BTBD9: variants seen among roughly 807,000 people sequenced by gnomAD.
The protein encoded by BTBD9 is BTB/POZ domain-containing protein 9.
In BTBD9, 49 loss-of-function variants were observed where a neutral mutation model predicts 64.3. That is an observed-to-expected ratio of 0.76 (90% CI 0.61 to 0.97). The LOEUF (loss-of-function observed/expected upper bound fraction) is 0.97. BTBD9 is among the 50% of genes least tolerant of loss of function. The pLI, the probability that BTBD9 is intolerant of heterozygous loss-of-function variation, is 0.00. For synonymous variants in BTBD9, 260 were observed against 274.7 expected, an observed-to-expected ratio of 0.95 and a Z score of 0.53; for missense variants, 598 against 762.1, an observed-to-expected ratio of 0.78 and a Z score of 2.53.
intron 1 of BTBD9, among the ~76,000 whole-genome samples, chr6:38,613,405 T>G (rs955023324): frequency 1.3e-5 from 2 of 152,172 alleles, no homozygotes; most frequent in Non-Finnish European, 2.9e-5. Context: ...GTGGATTACC[T>G]GAGGTCAGGA....
In BTBD9 at chr6:38,170,370, A is replaced by C. The variant is rs1766706175; in HGVS notation, c.*4615T>G. ...TCGGAGCGTCCTCAGTGGTGCAGCC[A>C]AGAGCCAGGAAGGGCACAGCCTCTT... On this transcript the variant is annotated 3_prime_UTR_variant, in exon 11 of 11. Transcript: ENST00000481247. 6.5e-6 allele frequency: 1 copy of C among 152,776 alleles called. No individual in the cohort carries two copies. Among genetic ancestry groups the C allele is most frequent in the East Asian group, 1.9e-4 (1 of 5,200 alleles). 9.5% of individuals were successfully genotyped at this position (152,776 alleles called of 1,614,324 possible).
chr6:38,271,840 C>G (rs1393827920), intron 8 of BTBD9, among the ~76,000 whole-genome samples: 1 of 152,122 alleles, frequency 6.6e-6, no homozygotes, highest in Non-Finnish European at 1.5e-5. Context: ...GCAGCAAATT[C>G]TACATGGAGC....
rs1234244481 is a variant in BTBD9 at position 38,181,083 on chromosome 6, C to T, written c.1642-5901G>A. On this transcript the variant is annotated intron_variant, in intron 10 of 10. Transcript: ENST00000481247. ...CTCAGTGGCTTGGTGGCTGCTGCCT[C>T]TCATTAGAGGGATTCCCTAAGCACT... is the stretch of plus-strand genomic sequence containing the variant. Among the ~76,000 whole-genome samples the T allele has an allele frequency of 3.3e-5, 5 of 152,336 alleles. No individual in the cohort carries two copies. In the East Asian group the frequency reaches 9.6e-4, roughly 29 times the overall value.
At chr6:38,597,530 A>G (rs942722513) in intron 2 of BTBD9, among the ~76,000 whole-genome samples, 1 of 152,204 alleles carries the variant, frequency 6.6e-6, no homozygotes, top group Non-Finnish European at 1.5e-5. Flanking sequence ...ACCAAGGGGT[A>G]TATGTGTCCA....
chr6:38,580,300 A>G lies in BTBD9; in HGVS notation c.952T>C (p.Cys318Arg). ...GFSRHPIDDD[C>R]RSGIEIKLGQ... ...AGCTTAATCTCGATGCCGGAACGGC[A>G]GTCATCATCAATTGGGTGCCTTGAA... The change falls in exon 5 of 11, where the codon TGC (cysteine) becomes CGC (arginine). Residue 318 changes from cysteine to arginine, a missense_variant. Coordinates refer to ENST00000481247, the MANE Select transcript of BTBD9 (RefSeq NM_001099272.2). The G allele has an allele frequency of 6.2e-7, 1 of 1,614,272 alleles. No homozygotes were observed.
chr6:38,182,313 T>A (rs1055818072), intron 10 of BTBD9, among the ~76,000 whole-genome samples: 1 of 152,250 alleles, frequency 6.6e-6, no homozygotes, highest in Non-Finnish European at 1.5e-5. Flanking sequence ...ATTCCTGCCC[T>A]GTTTTTTATG....
At chr6:38,398,629 C>G (rs1766795189) in intron 6 of BTBD9, among the ~76,000 whole-genome samples, 1 of 152,186 alleles carries the variant, frequency 6.6e-6, no homozygotes, top group Non-Finnish European at 1.5e-5. Flanking sequence ...CTCACCCTCC[C>G]TTCATAGGCA....
intron 7 of BTBD9, among the ~76,000 whole-genome samples, chr6:38,334,080 T>C (rs182137846): frequency 1.5e-4 from 23 of 152,328 alleles, no homozygotes; most frequent in Admixed American, 9.8e-4. Context: ...TTTGCTATGC[T>C]TTAACAAAGA....
chr6:38,180,011 G>C, intron 10 of BTBD9: 3 of 371,576 alleles, frequency 8.1e-6, no homozygotes, highest in South Asian at 6.0e-5. Context: ...CTGTGGAGCA[G>C]TGTGCCTGCC....
At chr6:38,392,843 TTTTA>T (rs1327839354) in intron 6 of BTBD9, among the ~76,000 whole-genome samples, 1 of 151,752 alleles carries the variant, frequency 6.6e-6, no homozygotes. Context: ...ATTTTTAAAA[TTTTA>T]TTTATTTTGC....
intron 1 of BTBD9, among the ~76,000 whole-genome samples, chr6:38,604,533 T>C (rs1777360259): frequency 6.6e-6 from 1 of 152,182 alleles, no homozygotes; most frequent in African/African-American, 2.4e-5. Flanking sequence ...TTAATAAAAG[T>C]CTCTACTTTT....
At chr6:38,556,608 C>T (rs1481818034) in intron 6 of BTBD9, among the ~76,000 whole-genome samples, 3 of 149,708 alleles carry the variant, frequency 2.0e-5, no homozygotes, top group African/African-American at 7.4e-5. Flanking sequence ...GTTATTACTT[C>T]AGAATCCAAA....
chr6:38,387,078 C>T (rs1015695167), intron 6 of BTBD9, among the ~76,000 whole-genome samples: 1 of 152,180 alleles, frequency 6.6e-6, no homozygotes, highest in African/African-American at 2.4e-5. Flanking sequence ...AGGATGCTTG[C>T]AGGTAGAACA....
At chr6:38,335,443 G>A (rs1430573569) in intron 7 of BTBD9, among the ~76,000 whole-genome samples, 1 of 151,848 alleles carries the variant, frequency 6.6e-6, no homozygotes, top group Non-Finnish European at 1.5e-5. Flanking sequence ...AGTAGAGACA[G>A]GGTTTTGCCA....
chr6:38,486,418 A>T (rs530054057), intron 6 of BTBD9, among the ~76,000 whole-genome samples: 1 of 152,282 alleles, frequency 6.6e-6, no homozygotes, highest in South Asian at 2.1e-4. Context: ...AAGCTTAATC[A>T]TTTCTAGCTT....
At position 38,334,844 on chromosome 6, in the gene BTBD9, G is replaced by A. The variant is rs546132039; in HGVS notation, c.1264+10140C>T. On this transcript the variant is annotated intron_variant, in intron 7 of 10. Transcript: ENST00000481247. ...CAAGAGCAGTAAAAATTTTTTTCCC[G>A]GCAATCTTTATTCTTAAAAAAAAAT... 3.5e-4 allele frequency among the ~76,000 whole-genome samples: 53 copies of A among 151,014 alleles called. No homozygotes were observed. The South Asian group carries it at 5.8e-3, about 17-fold the overall frequency.
At chr6:38,477,145 G>C (rs1435125117) in intron 6 of BTBD9, among the ~76,000 whole-genome samples, 1 of 152,208 alleles carries the variant, frequency 6.6e-6, no homozygotes, top group Non-Finnish European at 1.5e-5. Flanking sequence ...ATTCCACTGA[G>C]GGAGAAGTTG....
intron 6 of BTBD9, among the ~76,000 whole-genome samples, chr6:38,556,532 TGTGTGTGTGTGTGTGTGTGA>T (rs1313740654): frequency 2.0e-5 from 1 of 51,138 alleles, no homozygotes; most frequent in Non-Finnish European, 3.6e-5. Flanking sequence ...TGTGTGTGTG[TGTGTGTGTGTGTGTGTGTGA>T]GAGAGAGAGA....
At chr6:38,234,490 C>T (rs943273505) in intron 9 of BTBD9, among the ~76,000 whole-genome samples, 1 of 152,202 alleles carries the variant, frequency 6.6e-6, no homozygotes, top group African/African-American at 2.4e-5. Flanking sequence ...ATACAGCATT[C>T]ATGCATGTGG....
Sources: allele counts gnomAD v4.1 joint callset (sites outside exome capture counted in the v4.1 genomes callset), GRCh38; gene constraint gnomAD v4.1.1; transcripts MANE v1.5; gene names NCBI Gene and HGNC (gene_info 2026-07-23, HGNC 2026-07-21).